The following ADAMTS13 variants were observed in gnomAD, a reference collection of about 807,000 sequenced individuals.
The protein encoded by ADAMTS13 is A disintegrin and metalloproteinase with thrombospondin motifs 13.
A neutral mutation model predicts 155.1 loss-of-function variants in ADAMTS13; 110 were observed. The observed-to-expected ratio is 0.71, with a 90% CI of 0.61 to 0.83. The LOEUF (loss-of-function observed/expected upper bound fraction) is 0.83, where lower values mean the gene tolerates loss of function less well. Among genes scored for constraint, ADAMTS13 ranks in the 40% least tolerant of loss-of-function variants. The pLI, the probability that ADAMTS13 is intolerant of heterozygous loss-of-function variation, is 0.00. For synonymous variants in ADAMTS13, 758 were observed against 756.4 expected (o/e 1.00, Z -0.03); for missense variants, 1,707 against 1,891.7 (o/e 0.90, Z 1.81).
rs879728604 is a variant in ADAMTS13 at position 133,425,453 on chromosome 9, C to T, written c.331-76C>T. The T allele has an allele frequency of 1.0e-5, 14 of 1,375,618 alleles. No homozygotes were observed. The highest frequency in any genetic ancestry group is 1.4e-5 in the Non-Finnish European group (14 of 990,190). 85.2% of individuals were successfully genotyped at this position (1,375,618 alleles called of 1,614,324 possible). A position where few individuals can be genotyped will look rare whatever the true frequency, so the allele number is the denominator to read the frequency against. The stretch of plus-strand genomic sequence containing the variant: ...TCTCCAGCTCTTCACACTCCGGGGG[C>T]CCCTGGGAGTCAGCAGCTGCCTGGG... On this transcript the variant is annotated intron_variant, in intron 3 of 28. Transcript: ENST00000355699. The surrounding 1 kb of genome is among the most constrained non-coding windows in gnomAD (Gnocchi z 4.6).
At chr9:133,414,936 T>C in intron 1 of ADAMTS13, 2 of 1,613,738 alleles carry the variant, frequency 1.2e-6, no homozygotes, top group African/African-American at 2.7e-5. Context: ...TGGATAATTT[T>C]GGGCTTCTTT....
rs1049999398 is a variant in ADAMTS13 at position 133,440,888 on chromosome 9, G to A, written c.1968+363G>A. On this transcript the variant is annotated intron_variant, in intron 16 of 28. Transcript: ENST00000355699. The surrounding 1 kb of genome is among the most constrained non-coding windows in gnomAD (Gnocchi z 4.3). ...TGCTGGGCCAAGCAGGGAAGGAAGCGTATGGCTGAGGGAACAGTGTCAGTG... is the reference window on the plus strand; with the variant it reads ...TGCTGGGCCAAGCAGGGAAGGAAGCATATGGCTGAGGGAACAGTGTCAGTG... Among the ~76,000 whole-genome samples, 1 of 152,094 alleles carries A rather than the reference G, an allele frequency of 6.6e-6. No individual in the cohort carries two copies. Among genetic ancestry groups the A allele is most frequent in the Non-Finnish European group, 1.5e-5 (1 of 68,014 alleles).
intron 7 of ADAMTS13, chr9:133,429,655 C>A (rs1840584041): frequency 8.0e-6 from 5 of 627,246 alleles, no homozygotes; most frequent in African/African-American, 3.6e-5. Context: ...TCCCGCCGAC[C>A]GCACCGCTCC....
At chr9:133,422,934 CTTTTTTTTTTT>C (rs71281254) in intron 1 of ADAMTS13, among the ~76,000 whole-genome samples, 156 bp from the exon 2 acceptor site, 7 of 93,236 alleles carry the variant, frequency 7.5e-5, no homozygotes, top group South Asian at 4.4e-4. Context: ...CTCTCTCTCT[CTTTTTTTTTTT>C]TTTTTTTTTT....
rs1044601772 is a variant in ADAMTS13 at position 133,426,464 on chromosome 9, C to G, written c.686+119C>G. 4.4e-6 allele frequency: 6 copies of G among 1,368,272 alleles called. No homozygotes were observed. The African/African-American group carries it at 8.6e-5, about 20-fold the overall frequency. The allele number at this position is 1,368,272 out of a possible 1,614,324, so 84.8% of individuals were successfully genotyped here. ...AGAGTTTCTCCAGAGGAGCCTGTAC[C>G]CCTCACCCCGACAGACTCAGGTGTG... On this transcript the variant is annotated intron_variant, in intron 6 of 28. Transcript: ENST00000355699.
intron 24 of ADAMTS13, 77 bp from the exon 25 acceptor site, chr9:133,455,208 T>A (rs1013221997): frequency 5.4e-6 from 8 of 1,481,198 alleles, no homozygotes; most frequent in Non-Finnish European, 7.4e-6. Flanking sequence ...ATTGGATCAC[T>A]CCTGGCCTGT....
At position 133,439,400 on chromosome 9, in the gene ADAMTS13, G is replaced by T; in HGVS notation, c.1740G>T (p.Leu580=). ...YVTFLTVTPN[L]TSVYIANHRP... is the part of the protein sequence containing the mutation. ...CGTTTCTGACAGTTACCCCCAACCT[G>T]ACCAGTGTCTACATTGCCAACCACA... The change falls in exon 15 of 29, where the codon CTG becomes CTT. Residue 580 remains leucine, a synonymous_variant. Transcript: ENST00000355699. 6.2e-7 allele frequency: 1 copy of T among 1,614,066 alleles called. No homozygotes were observed. Among genetic ancestry groups the T allele is most frequent in the South Asian group, 1.1e-5 (1 of 91,078 alleles).
intron 1 of ADAMTS13, chr9:133,414,857 G>T (rs1249146260): frequency 1.2e-6 from 2 of 1,614,016 alleles, no homozygotes; most frequent in African/African-American, 2.7e-5. Context: ...GCCCCTGCTG[G>T]CCTCCTGGTC....
At chr9:133,430,330 T>G in intron 8 of ADAMTS13, 1 of 676,826 alleles carries the variant, frequency 1.5e-6, no homozygotes, top group Non-Finnish European at 2.6e-6. Context: ...ATTATGTAGC[T>G]AGTCCTGGGA....
At chr9:133,423,852 G>A (rs587598213) in intron 2 of ADAMTS13, among the ~76,000 whole-genome samples, 2 of 152,370 alleles carry the variant, frequency 1.3e-5, no homozygotes, top group Admixed American at 1.3e-4. Context: ...CAGCGCTGCC[G>A]CTCCTGAAAG....
chr9:133,426,611 T>TA (rs965975085), intron 6 of ADAMTS13, among the ~76,000 whole-genome samples: 4 of 152,222 alleles, frequency 2.6e-5, no homozygotes, highest in Non-Finnish European at 5.9e-5. Flanking sequence ...GAGCAGGCTG[T>TA]AAAAATTATC....
rs782492477 is a variant in ADAMTS13, at chr9:133,433,663, T to C, written c.1267T>C (p.Cys423Arg). 6.2e-7 allele frequency: 1 copy of C among 1,613,926 alleles called. No homozygotes were observed. The highest frequency in any genetic ancestry group is 1.1e-5 in the South Asian group (1 of 91,076). The stretch of plus-strand genomic sequence containing the variant: ...CAGACCTGCCTTTGGGGGGCGTGCA[T>C]GTGTTGGTGCTGACCTCCAGGCCGA... ...NPRPAFGGRA[C>R]VGADLQAEMC... The change falls in exon 11 of 29, where the codon TGT (cysteine) becomes CGT (arginine). Residue 423 changes from cysteine (C) to arginine (R), a missense_variant. Physicochemically the swap from Cys to Arg is radical, Grantham distance 180 (BLOSUM62 -3). This residue lies in a region of ADAMTS13 where 733 missense variants were observed against 749.6 expected (regional missense o/e 0.98). Transcript: ENST00000355699.
At chr9:133,438,910 CAAAA>C (rs34233340) in intron 14 of ADAMTS13, among the ~76,000 whole-genome samples, 2 of 111,234 alleles carry the variant, frequency 1.8e-5, no homozygotes, top group Admixed American at 9.8e-5. Context: ...GACACTGTCT[CAAAA>C]AAAAAAAAAA....
At chr9:133,420,762 G>C (rs587611349), upstream of ADAMTS13, among the ~76,000 whole-genome samples, 1 of 152,298 alleles carries the variant, frequency 6.6e-6, no homozygotes, top group Non-Finnish European at 1.5e-5. Context: ...TTAGTAACTT[G>C]GGATCCATCA....
chr9:133,427,573 A>C (rs1304909765), intron 6 of ADAMTS13, among the ~76,000 whole-genome samples: 1 of 152,098 alleles, frequency 6.6e-6, no homozygotes, highest in African/African-American at 2.4e-5. Flanking sequence ...CCTGTGATGC[A>C]GAAGACGTGA....
Position 133,456,494 on chromosome 9 carries a change from C to A in ADAMTS13, c.3548-49C>A. 1 of 1,601,296 alleles carries A rather than the reference C, an allele frequency of 6.2e-7. No homozygotes were observed. The highest frequency in any genetic ancestry group is 8.5e-7 in the Non-Finnish European group (1 of 1,174,422). On this transcript the variant is annotated intron_variant, in intron 26 of 28. Transcript: ENST00000355699. This position sits in a 1 kb window ranked among gnomAD's most constrained non-coding sequence, Gnocchi z 4.4. ...AGTCTACCCTGGAGCCACTCCTCTG[C>A]TGACCAGGCGTGGGAGTGCTGGACC...
rs782060444 is a variant in ADAMTS13, at chr9:133,445,692, C to G, written c.2611-7C>G. 1 of 1,612,892 alleles carries G rather than the reference C, an allele frequency of 6.2e-7. No homozygotes were observed. Among genetic ancestry groups the G allele is most frequent in the South Asian group, 1.1e-5 (1 of 91,064 alleles). On this transcript the variant is annotated splice_polypyrimidine_tract_variant and splice_region_variant and intron_variant, in intron 20 of 28. Coordinates refer to ENST00000355699, the MANE Select transcript of ADAMTS13 (RefSeq NM_139027.6). This position sits in a 1 kb window ranked among gnomAD's most constrained non-coding sequence, Gnocchi z 5.0. Reference sequence around the variant, plus strand: ...CAGACCCACCAGCTTGTTGCTATTCCCCACAGCTGGATGCCACCTCTGCAG... The same window carrying G: ...CAGACCCACCAGCTTGTTGCTATTCGCCACAGCTGGATGCCACCTCTGCAG...
At chr9:133,417,156 C>T (rs1395689632), upstream of ADAMTS13, among the ~76,000 whole-genome samples, 2 of 152,202 alleles carry the variant, frequency 1.3e-5, no homozygotes, top group Non-Finnish European at 2.9e-5. Context: ...CGACTACCGG[C>T]GCGCGCCATC....
rs374701484 is a variant in ADAMTS13, at chr9:133,449,163, C to T, written c.2861+435C>T. ...AGTGTAAAATGCATGCTCGATGCAA[C>T]GCGTGTAAAGTACATTGCACAGGAT... is the stretch of plus-strand genomic sequence containing the variant. On this transcript the variant is annotated intron_variant, in intron 22 of 28. Transcript: ENST00000355699. Among the ~76,000 whole-genome samples the T allele has an allele frequency of 1.8e-4, 28 of 152,160 alleles. 1 individual carries two copies. In the East Asian group the frequency reaches 2.3e-3, roughly 13 times the overall value.
Sources: gnomAD v4.1 joint callset for allele counts (sites outside exome capture counted in the v4.1 genomes callset) on GRCh38, gnomAD v4.1.1 for gene constraint, gnomAD v4.1.1 regional missense constraint, Gnocchi (gnomAD v3.1) non-coding constraint, MANE v1.5 for transcripts, NCBI Gene and HGNC (gene_info 2026-07-23, HGNC 2026-07-21) for gene names.